The following TFB2M variants were observed in gnomAD, a reference collection of about 807,000 sequenced individuals.
TFB2M encodes dimethyladenosine transferase 2, mitochondrial.
In TFB2M, 44 loss-of-function variants were observed where a neutral mutation model predicts 41.3. The observed-to-expected ratio is 1.07, with a 90% confidence interval of 0.84 to 1.37. The LOEUF (loss-of-function observed/expected upper bound fraction) is 1.37. TFB2M is among the 40% of genes most tolerant of loss of function. The pLI is 0.00. For synonymous variants in TFB2M, 188 were observed against 176.8 expected, an observed-to-expected ratio of 1.06 and a Z score of -0.50; for missense variants, 496 against 490.2, an observed-to-expected ratio of 1.01 and a Z score of -0.11.
intron 2 of TFB2M, 113 bp from the exon 3 acceptor site, chr1:246,557,647 T>C (rs1572090752): frequency 1.1e-6 from 1 of 895,534 alleles, no homozygotes. Flanking sequence ...ATAAAAATAA[T>C]TCAATTACCT....
chr1:246,556,795 C>A, intron 3 of TFB2M, 74 bp from the exon 4 acceptor site: 1 of 1,214,070 alleles, frequency 8.2e-7, no homozygotes, highest in Non-Finnish European at 1.1e-6. Flanking sequence ...TTTTTTGAGA[C>A]AAACTAAGTT....
intron 5 of TFB2M, 68 bp from the exon 6 acceptor site, chr1:246,548,675 C>G: frequency 6.8e-7 from 1 of 1,472,884 alleles, no homozygotes; most frequent in Non-Finnish European, 9.4e-7. Context: ...CCAGTTATTA[C>G]TTCCTTAAAA....
intron 2 of TFB2M, among the ~76,000 whole-genome samples, chr1:246,564,016 C>T (rs1015116083): frequency 2.0e-5 from 3 of 152,108 alleles, no homozygotes; most frequent in Non-Finnish European, 4.4e-5. Context: ...AATTAGATTC[C>T]AAGCTCACAG....
intron 1 of TFB2M, 89 bp from the exon 2 acceptor site, chr1:246,564,523 T>C: frequency 8.3e-7 from 1 of 1,211,220 alleles, no homozygotes; most frequent in Non-Finnish European, 1.2e-6. Flanking sequence ...TCACACGTTA[T>C]TACCTGGTTT....
chr1:246,545,020 T>C (rs991594212), intron 6 of TFB2M, among the ~76,000 whole-genome samples: 20 of 151,736 alleles, frequency 1.3e-4, no homozygotes, highest in Middle Eastern at 3.4e-3. Flanking sequence ...TTAGCCAGGA[T>C]GGTCTCGATC....
At chr1:246,565,712 A>G (rs1659632513) in intron 1 of TFB2M, 114 bp downstream of exon 1, 1 of 1,203,104 alleles carries the variant, frequency 8.3e-7, no homozygotes, top group Admixed American at 2.6e-5. Flanking sequence ...CTCCGTCTCA[A>G]AGCAAAAGAA....
rs188533957 is a variant in TFB2M at position 246,551,696 on chromosome 1, A to T, written c.706-394T>A. 7.3e-3 allele frequency among the ~76,000 whole-genome samples: 709 copies of T among 97,284 alleles called. 4 individuals carry two copies. Among genetic ancestry groups the T allele is most frequent in the African/African-American group, 0.02 (658 of 33,522 alleles). 63.8% of individuals were successfully genotyped at this position (97,284 alleles called of 152,430 possible). Reference sequence around the variant, plus strand: ...CATAGTGAGACCGCATCTCTTAAAAAACAACAACACACAAGTGTTAAGGCT... The same window carrying T: ...CATAGTGAGACCGCATCTCTTAAAATACAACAACACACAAGTGTTAAGGCT... On this transcript the variant is annotated intron_variant, in intron 4 of 7. Coordinates refer to ENST00000366514, the MANE Select transcript of TFB2M (RefSeq NM_022366.3).
At chr1:246,552,876 C>G (rs975109941) in intron 4 of TFB2M, among the ~76,000 whole-genome samples, 22 of 151,846 alleles carry the variant, frequency 1.4e-4, no homozygotes, top group African/African-American at 5.3e-4. Flanking sequence ...GTGTTTGAGA[C>G]CAGCCTGGGC....
At chr1:246,564,243 A>G (rs1467667443) in intron 2 of TFB2M, 103 bp downstream of exon 2, 39 of 969,640 alleles carry the variant, frequency 4.0e-5, no homozygotes, top group Non-Finnish European at 5.5e-5. Context: ...TGGCTCCCTA[A>G]AAGATATTCT....
intron 6 of TFB2M, among the ~76,000 whole-genome samples, chr1:246,547,795 G>T (rs1659064255): frequency 6.6e-6 from 1 of 151,690 alleles, no homozygotes; most frequent in African/African-American, 2.4e-5. Flanking sequence ...CTAGCCCTGA[G>T]ATAAACTAAA....
At chr1:246,547,561 T>C (rs1423713061) in intron 6 of TFB2M, among the ~76,000 whole-genome samples, 1 of 152,210 alleles carries the variant, frequency 6.6e-6, no homozygotes. Context: ...AATTTTCTTT[T>C]TCCTTTAGTG....
At chr1:246,542,702 T>C (rs1261563622) in intron 7 of TFB2M, among the ~76,000 whole-genome samples, 2 of 152,208 alleles carry the variant, frequency 1.3e-5, no homozygotes, top group African/African-American at 4.8e-5. Flanking sequence ...TGATATTGAA[T>C]AGAATCTTGG....
intron 2 of TFB2M, among the ~76,000 whole-genome samples, chr1:246,560,750 A>G (rs1659436700): frequency 6.6e-6 from 1 of 152,194 alleles, no homozygotes; most frequent in Non-Finnish European, 1.5e-5. Flanking sequence ...GAATGGGAAA[A>G]AACAGAGAAA....
Position 246,561,893 on chromosome 1 carries a change from CTT to C in TFB2M, c.402+2451_402+2452del, listed in dbSNP as rs927219947. Among the ~76,000 whole-genome samples the C allele has an allele frequency of 1.3e-3, 200 of 149,698 alleles. 1 individual carries two copies. Among genetic ancestry groups the C allele is most frequent in the African/African-American group, 4.7e-3 (191 of 40,836 alleles). On this transcript the variant is annotated intron_variant, in intron 2 of 7. Coordinates refer to ENST00000366514, the MANE Select transcript of TFB2M (RefSeq NM_022366.3). ...ATGTAGATTAACCTTTAAATATAGGCTTTTTTTTTTCCTCAAATCAGGATAAA... is the reference window on the plus strand; with the variant it reads ...ATGTAGATTAACCTTTAAATATAGGCTTTTTTTTCCTCAAATCAGGATAAA...
intron 7 of TFB2M, among the ~76,000 whole-genome samples, chr1:246,543,124 A>C (rs1658908657): frequency 1.3e-5 from 2 of 151,856 alleles, no homozygotes; most frequent in African/African-American, 4.8e-5. Context: ...GGCCTCACAA[A>C]AATGCTCGGA....
rs148507044 is a variant in TFB2M, at chr1:246,541,086, C to T, written c.1136G>A (p.Arg379His). 84 of 1,613,288 alleles carry T rather than the reference C, an allele frequency of 5.2e-5. No individual in the cohort carries two copies. The highest frequency in any genetic ancestry group is 2.2e-4 in the Admixed American group (13 of 59,882). ...DFKTLFETIE[R>H]SKDCAYKWLY... Reference sequence around the variant, plus strand: ...CCATTTATAAGCACAATCTTTGGAACGCTCTATAGTTTCAAAAAGTGTTTT... The same window carrying T: ...CCATTTATAAGCACAATCTTTGGAATGCTCTATAGTTTCAAAAAGTGTTTT... Residue 379 changes from arginine (R) to histidine (H), a missense_variant, in exon 8 of 8, where the codon CGT becomes CAT. Arg to His is a conservative substitution (Grantham distance 29). Transcript: ENST00000366514.
chr1:246,551,166 C>T (rs549399732), intron 5 of TFB2M, 47 bp downstream of exon 5: 3 of 1,454,820 alleles, frequency 2.1e-6, no homozygotes, highest in South Asian at 1.1e-5. Context: ...CATAATGAGA[C>T]CCTGTCGCTA....
chr1:246,553,530 C>T (rs1368363511), intron 4 of TFB2M, among the ~76,000 whole-genome samples: 2 of 152,016 alleles, frequency 1.3e-5, no homozygotes, highest in Admixed American at 6.6e-5. Flanking sequence ...CAGCCAGGCA[C>T]GGGGGTGCAC....
At position 246,548,554 on chromosome 1, in the gene TFB2M, TGG is replaced by T. The variant is rs747920421; in HGVS notation, c.847_848del (p.Pro283LysfsTer3). ...IYTRKGPLEN[P>X]KRRELLDQLQ... ...ATTATTTTATTCTTACCCTACGCTTTGGGTTTTCCAGCGGCCCTTTCCGGGTG... is the reference window on the plus strand; with the variant it reads ...ATTATTTTATTCTTACCCTACGCTTTGTTTTCCAGCGGCCCTTTCCGGGTG... On this transcript the variant is annotated frameshift_variant, in exon 6 of 8. Transcript: ENST00000366514. LOFTEE classifies it high-confidence loss of function. 14 of 1,613,488 alleles carry T rather than the reference TGG, an allele frequency of 8.7e-6. No individual in the cohort carries two copies. Among genetic ancestry groups the T allele is most frequent in the Non-Finnish European group, 1.1e-5 (13 of 1,179,738 alleles).
Sources: allele counts gnomAD v4.1 joint callset (sites outside exome capture counted in the v4.1 genomes callset), GRCh38; gene constraint gnomAD v4.1.1; transcripts MANE v1.5; gene names NCBI Gene and HGNC (gene_info 2026-07-23, HGNC 2026-07-21).